SOS1: variants seen among roughly 807,000 people sequenced by gnomAD.
SOS1 encodes the protein son of sevenless homolog 1.
Under a neutral mutation model 157.6 loss-of-function variants are expected in SOS1, and 25 were observed. The ratio of observed to expected loss-of-function variants is 0.16; its 90% CI spans 0.12 to 0.22. SOS1 has a LOEUF of 0.22. SOS1 is among the 10% of genes least tolerant of loss of function. SOS1 has a pLI of 1.00. For synonymous variants in SOS1, 528 were observed against 534.0 expected, an observed-to-expected ratio of 0.99 and a Z score of 0.16; for missense variants, 1,237 against 1,599.1, an observed-to-expected ratio of 0.77 and a Z score of 3.86.
At position 39,016,581 on chromosome 2, in the gene SOS1, G is replaced by C. The variant is rs527638097; in HGVS notation, c.1859-1735C>G. ...TTGTAAGGTGAGGCTACTCAAAACA[G>C]CATGTTTAGGAAGCAAAAGCAGTGG... On this transcript the variant is annotated intron_variant, in intron 10 of 22. Coordinates refer to ENST00000402219, the MANE Select transcript of SOS1 (RefSeq NM_005633.4). Among the ~76,000 whole-genome samples, 20 of 152,204 alleles carry C rather than the reference G, an allele frequency of 1.3e-4. No individual in the cohort carries two copies. In the South Asian group the frequency reaches 4.1e-3, roughly 32 times the overall value.
chr2:39,004,406 C>CAAAAAAAAA (rs60882005), intron 17 of SOS1, among the ~76,000 whole-genome samples: 1 of 66,534 alleles, frequency 1.5e-5, no homozygotes. Context: ...GACTCTGTGT[C>CAAAAAAAAA]AAAAAAAAAA....
At chr2:39,046,472 A>C (rs924922047) in intron 6 of SOS1, among the ~76,000 whole-genome samples, 4 of 144,506 alleles carry the variant, frequency 2.8e-5, no homozygotes, top group Admixed American at 2.7e-4. Flanking sequence ...TTTTTTATTT[A>C]TTTATTTATT....
chr2:39,055,663 C>T (rs1198708485), intron 4 of SOS1, among the ~76,000 whole-genome samples: 2 of 152,106 alleles, frequency 1.3e-5, no homozygotes, highest in Non-Finnish European at 2.9e-5. Context: ...AATCAGCAAT[C>T]AGAAATAATA....
chr2:38,988,420 G>T (rs148306722), intron 21 of SOS1, among the ~76,000 whole-genome samples: 5 of 152,162 alleles, frequency 3.3e-5, no homozygotes, highest in African/African-American at 1.2e-4. Context: ...ACTTAAGTTA[G>T]TTGTTTATAC....
upstream of SOS1, among the ~76,000 whole-genome samples, chr2:39,122,460 AC>A: frequency 7.2e-6 from 1 of 139,110 alleles, no homozygotes; most frequent in Admixed American, 7.3e-5. Flanking sequence ...ACACACACAC[AC>A]ACACACACAC....
At chr2:39,031,457 T>C (rs1670157678) in intron 8 of SOS1, among the ~76,000 whole-genome samples, 1 of 152,130 alleles carries the variant, frequency 6.6e-6, no homozygotes, top group Non-Finnish European at 1.5e-5. Context: ...AGGCCAGGTG[T>C]GGGGGCTCGC....
chr2:39,050,916 C>T (rs1321267985), intron 6 of SOS1, among the ~76,000 whole-genome samples: 1 of 152,080 alleles, frequency 6.6e-6, no homozygotes, highest in Non-Finnish European at 1.5e-5. Flanking sequence ...GTAATACCTC[C>T]CCCCTTGGCG....
chr2:38,983,667 A>G lies in SOS1; in HGVS notation c.*2157T>C, dbSNP rs1668465659. On this transcript the variant is annotated 3_prime_UTR_variant, in exon 23 of 23. Coordinates refer to ENST00000402219, the MANE Select transcript of SOS1 (RefSeq NM_005633.4). The stretch of plus-strand genomic sequence containing the variant: ...TTCTCATTTGGAATGTGCCTGGGGC[A>G]ATTAAAAAGAGAAGTAATCCATGAG... 6.6e-6 allele frequency: 1 copy of G among 152,160 alleles called. No homozygotes were observed. The highest frequency in any genetic ancestry group is 2.4e-5 in the African/African-American group (1 of 41,436). The allele number at this position is 152,160 out of a possible 1,614,324, so 9.4% of individuals were successfully genotyped here.
chr2:39,083,995 G>C (rs941524633), intron 1 of SOS1, among the ~76,000 whole-genome samples: 1 of 152,102 alleles, frequency 6.6e-6, no homozygotes, highest in African/African-American at 2.4e-5. Flanking sequence ...TCCAATCCAA[G>C]ACTGGTATCC....
In SOS1 at chr2:39,120,265, C is replaced by CTCCCCAGCCCT. The variant is rs954124621; in HGVS notation, c.87+60_87+70dup. On this transcript the variant is annotated intron_variant, in intron 1 of 22. Coordinates refer to ENST00000402219, the MANE Select transcript of SOS1 (RefSeq NM_005633.4). ...AAAGACGGCCCTGCGCGCGCCCCGC[C>CTCCCCAGCCCT]TCCCCAGCCCTTCCCCAGCGCCCGC... The CTCCCCAGCCCT allele has an allele frequency of 1.4e-5, 19 of 1,368,146 alleles. No homozygotes were observed. In the Admixed American group the frequency reaches 4.8e-4, roughly 35 times the overall value. 84.8% of individuals were successfully genotyped at this position (1,368,146 alleles called of 1,614,324 possible). A position where few individuals can be genotyped will look rare whatever the true frequency, so the allele number is the denominator to read the frequency against.
intron 1 of SOS1, among the ~76,000 whole-genome samples, chr2:39,119,502 A>C (rs1673783235): frequency 6.6e-6 from 1 of 152,260 alleles, no homozygotes; most frequent in Non-Finnish European, 1.5e-5. Context: ...GGATTTAGAA[A>C]CACTATTAGA....
chr2:39,029,557 G>A (rs752490247), intron 8 of SOS1, among the ~76,000 whole-genome samples: 14 of 152,114 alleles, frequency 9.2e-5, no homozygotes, highest in Non-Finnish European at 1.5e-5. Flanking sequence ...CTGGGAGGTT[G>A]AGGATGCAGT....
chr2:39,031,569 A>C (rs1670161266), intron 8 of SOS1, among the ~76,000 whole-genome samples: 1 of 152,066 alleles, frequency 6.6e-6, no homozygotes, highest in Admixed American at 6.6e-5. Context: ...TTGTCTACTA[A>C]AAATACAAAA....
At chr2:39,007,981 T>C (rs1669334725) in intron 15 of SOS1, among the ~76,000 whole-genome samples, 1 of 152,120 alleles carries the variant, frequency 6.6e-6, no homozygotes, top group South Asian at 2.1e-4. Context: ...GTCCCTCCCT[T>C]CTTTCTCCCA....
chr2:38,986,497 G>A (rs1045172880), intron 22 of SOS1, among the ~76,000 whole-genome samples, 182 bp from the exon 23 acceptor site: 1 of 150,550 alleles, frequency 6.6e-6, no homozygotes, highest in Admixed American at 6.6e-5. Context: ...ACAATGCCTT[G>A]CTCTATTGCC....
intron 20 of SOS1, chr2:38,992,439 T>C (rs2124469439): frequency 6.6e-6 from 1 of 152,294 alleles, no homozygotes; most frequent in Admixed American, 6.5e-5. Context: ...CCTGAAACAA[T>C]GTTTTCTCCA....
In SOS1 at chr2:38,997,257, A is replaced by G; in HGVS notation, c.2960T>C (p.Ile987Thr). The G allele has an allele frequency of 6.2e-7, 1 of 1,604,718 alleles. No individual in the cohort carries two copies. Among genetic ancestry groups the G allele is most frequent in the South Asian group, 1.1e-5 (1 of 90,632 alleles). Residue 987 changes from isoleucine (I) to threonine (T), a missense_variant, in exon 18 of 23, where the codon ATC becomes ACC. Ile to Thr is a moderately conservative substitution (Grantham distance 89, BLOSUM62 -1). This residue lies in a region of SOS1 where 34 missense variants were observed against 28.1 expected (regional missense o/e 1.21). Transcript: ENST00000402219. The stretch of plus-strand genomic sequence containing the variant: ...TCTTTAAATAATTCAACTTACTTTG[A>G]TATCTGATTCTACTCGTAAACAGTA... ...QPYCLRVESD[I>T]KRFFENLNPM...
intron 6 of SOS1, among the ~76,000 whole-genome samples, chr2:39,045,898 G>A (rs1230403749): frequency 1.3e-5 from 2 of 151,782 alleles, no homozygotes; most frequent in African/African-American, 4.8e-5. Context: ...TTTTTTAGTA[G>A]AGACCGGGTT....
chr2:39,090,664 C>A (rs1672559414), intron 1 of SOS1, among the ~76,000 whole-genome samples: 1 of 152,030 alleles, frequency 6.6e-6, no homozygotes, highest in Non-Finnish European at 1.5e-5. Context: ...CCATTGCACT[C>A]CAGCCTGAGC....
Sources: allele counts gnomAD v4.1 joint callset (sites outside exome capture counted in the v4.1 genomes callset), GRCh38; gene constraint gnomAD v4.1.1; regional missense constraint gnomAD v4.1.1; transcripts MANE v1.5; gene names NCBI Gene and HGNC (gene_info 2026-07-23, HGNC 2026-07-21).